Variants in KDM4C observed in about 807,000 individuals in gnomAD.
KDM4C encodes lysine demethylase 4C.
Under a neutral mutation model 129.3 loss-of-function variants are expected in KDM4C, and 81 were observed. The observed-to-expected ratio is 0.63, with a 90% CI of 0.52 to 0.75. The LOEUF (loss-of-function observed/expected upper bound fraction) is 0.75, where lower values mean the gene tolerates loss of function less well. KDM4C is among the 30% of genes least tolerant of loss of function. The probability of loss-of-function intolerance (pLI) is 0.00; values close to 1 mark genes in which losing one functional copy is unlikely to be tolerated. For synonymous variants in KDM4C, 573 were observed against 456.1 expected, an observed-to-expected ratio of 1.26 and a Z score of -3.26; for missense variants, 1,457 against 1,304.0, an observed-to-expected ratio of 1.12 and a Z score of -1.81.
chr9:7,087,994 A>G lies in KDM4C; in HGVS notation c.2425-15691A>G, dbSNP rs556217023. ...GTGGCTTTGCACTAGAATTGCTTTGAGGTACTACTTATCAAAAATACAGAT... is the reference window on the plus strand; with the variant it reads ...GTGGCTTTGCACTAGAATTGCTTTGGGGTACTACTTATCAAAAATACAGAT... On this transcript the variant is annotated intron_variant, in intron 17 of 21. Transcript: ENST00000381309. Among the ~76,000 whole-genome samples the G allele has an allele frequency of 3.9e-5, 6 of 152,318 alleles. No homozygotes were observed. The South Asian group carries it at 1.2e-3, about 32-fold the overall frequency.
chr9:6,953,215 A>C (rs904018552), intron 8 of KDM4C, among the ~76,000 whole-genome samples: 3 of 152,164 alleles, frequency 2.0e-5, no homozygotes, highest in Admixed American at 6.5e-5. Context: ...TCTCCCTTTC[A>C]CTCAAACAAG....
intron 1 of KDM4C, among the ~76,000 whole-genome samples, chr9:6,782,460 G>A (rs1824567254): frequency 6.6e-6 from 1 of 152,116 alleles, no homozygotes; most frequent in Non-Finnish European, 1.5e-5. Flanking sequence ...GGATATTCAT[G>A]GTCCCTCTCT....
intron 1 of KDM4C, among the ~76,000 whole-genome samples, chr9:6,768,564 A>G (rs945138121): frequency 4.5e-4 from 68 of 152,086 alleles, no homozygotes; most frequent in African/African-American, 1.6e-3. Context: ...TAATTTTTAG[A>G]TTCTTCATAT....
chr9:6,982,825 A>G (rs1816999282), intron 9 of KDM4C: 1 of 152,246 alleles, frequency 6.6e-6, no homozygotes, highest in Non-Finnish European at 1.5e-5. Context: ...ACACTTGAAC[A>G]GATCAAAATG....
intron 19 of KDM4C, among the ~76,000 whole-genome samples, chr9:7,163,056 A>G (rs1300748431): frequency 3.3e-5 from 5 of 152,088 alleles, no homozygotes; most frequent in South Asian, 2.1e-4. Flanking sequence ...GCCGTGCAGG[A>G]AAGTGCAGGC....
At chr9:6,910,005 T>A (rs1818989202) in intron 8 of KDM4C, among the ~76,000 whole-genome samples, 2 of 152,140 alleles carry the variant, frequency 1.3e-5, no homozygotes, top group South Asian at 4.1e-4. Flanking sequence ...GTCCAAGTAA[T>A]CCCTGGATGT....
chr9:7,085,630 C>A (rs1056431150), intron 17 of KDM4C, among the ~76,000 whole-genome samples: 9 of 152,106 alleles, frequency 5.9e-5, no homozygotes, highest in African/African-American at 2.2e-4. Flanking sequence ...TGGTTCCTGC[C>A]ACTCCTTCCC....
upstream of KDM4C, among the ~76,000 whole-genome samples, chr9:6,756,661 A>G (rs1367636838): frequency 6.6e-6 from 1 of 152,190 alleles, no homozygotes; most frequent in Non-Finnish European, 1.5e-5. Flanking sequence ...AGGTTGCAGT[A>G]AGCCGAGATA....
At chr9:7,125,454 ACT>A (rs1349513390) in intron 18 of KDM4C, among the ~76,000 whole-genome samples, 2 of 152,122 alleles carry the variant, frequency 1.3e-5, no homozygotes, top group African/African-American at 4.8e-5. Context: ...TGTGTATTTG[ACT>A]CTCCAACATC....
chr9:6,892,304 G>A (rs908334579), intron 7 of KDM4C, among the ~76,000 whole-genome samples: 4 of 151,910 alleles, frequency 2.6e-5, no homozygotes, highest in Non-Finnish European at 5.9e-5. Flanking sequence ...TATAATTTTT[G>A]TATCGGATAG....
At chr9:6,742,926 G>A (rs1482241584) in intron 1 of KDM4C, among the ~76,000 whole-genome samples, 6 of 151,962 alleles carry the variant, frequency 3.9e-5, no homozygotes, top group Admixed American at 3.9e-4. Flanking sequence ...CAGGAAAATC[G>A]CTTGAACCCG....
At chr9:6,922,816 T>TTC (rs1409964307) in intron 8 of KDM4C, among the ~76,000 whole-genome samples, 2 of 152,228 alleles carry the variant, frequency 1.3e-5, no homozygotes, top group Non-Finnish European at 2.9e-5. Flanking sequence ...CTAAGTTTCT[T>TTC]TCACTGTCAC....
chr9:6,802,689 G>T (rs1829232302), intron 2 of KDM4C, among the ~76,000 whole-genome samples: 2 of 152,200 alleles, frequency 1.3e-5, no homozygotes, highest in African/African-American at 4.8e-5. Flanking sequence ...GTGCAGTGGT[G>T]TGATCTCAGC....
At chr9:6,824,909 C>T (rs370418288) in intron 4 of KDM4C, among the ~76,000 whole-genome samples, 48 of 151,962 alleles carry the variant, frequency 3.2e-4, no homozygotes, top group African/African-American at 8.7e-4. Context: ...TTGGGGAGGC[C>T]GAGGCGGGTG....
At chr9:7,118,351 A>G (rs1018820338) in intron 18 of KDM4C, among the ~76,000 whole-genome samples, 5 of 152,334 alleles carry the variant, frequency 3.3e-5, no homozygotes, top group African/African-American at 1.2e-4. Flanking sequence ...GTGCTGTAAG[A>G]ACAAGTATTT....
rs150468257 is a variant in KDM4C at position 6,876,145 on chromosome 9, T to G, written c.630-3867T>G. Among the ~76,000 whole-genome samples, 779 of 152,318 alleles carry G rather than the reference T, an allele frequency of 5.1e-3. 7 individuals carry two copies. Among genetic ancestry groups the G allele is most frequent in the Middle Eastern group, 0.02 (6 of 294 alleles). ...GCCTGTCTGACCCTTGATGTTAGGATTGTTTGAACTGATACTTTTTGAACA... is the reference window on the plus strand; with the variant it reads ...GCCTGTCTGACCCTTGATGTTAGGAGTGTTTGAACTGATACTTTTTGAACA... On this transcript the variant is annotated intron_variant, in intron 5 of 21. Transcript: ENST00000381309.
At chr9:6,754,338 G>A (rs1452011437), upstream of KDM4C, among the ~76,000 whole-genome samples, 1 of 151,468 alleles carries the variant, frequency 6.6e-6, no homozygotes, top group African/African-American at 2.4e-5. Context: ...TCAGCCTCCC[G>A]AGTAGCTGGG....
chr9:6,882,667 A>G (rs1563753500), intron 6 of KDM4C, among the ~76,000 whole-genome samples: 2 of 152,198 alleles, frequency 1.3e-5, no homozygotes, highest in Non-Finnish European at 2.9e-5. Flanking sequence ...TATTTACTTG[A>G]AACAAATGTT....
chr9:6,989,036 T>A (rs2760652), intron 11 of KDM4C, among the ~76,000 whole-genome samples: 151,343 of 152,352 alleles, frequency 0.99, 75,177 homozygotes, highest in East Asian at 1. Flanking sequence ...GATGTAATTT[T>A]TCCTGCTATA....
Sources: gnomAD v4.1 joint callset for allele counts (sites outside exome capture counted in the v4.1 genomes callset) on GRCh38, gnomAD v4.1.1 for gene constraint, MANE v1.5 for transcripts, NCBI Gene and HGNC (gene_info 2026-07-23, HGNC 2026-07-21) for gene names.